The following RNF19A variants were observed in gnomAD, a reference collection of about 807,000 sequenced individuals.
RNF19A encodes the protein ring finger protein 19A, RBR E3 ubiquitin protein ligase.
In RNF19A, 32 loss-of-function variants were observed where a neutral mutation model predicts 75.7. The ratio of observed to expected loss-of-function variants is 0.42; its 90% CI spans 0.32 to 0.57. RNF19A has a LOEUF of 0.57. Ranked by LOEUF, RNF19A falls within the 20% of genes least tolerant of loss-of-function variation. RNF19A has a pLI of 0.10. For missense variants in RNF19A, 782 were observed against 1,036.3 expected (o/e 0.75, Z 3.37); for synonymous variants, 335 against 345.2 (o/e 0.97, Z 0.33).
At chr8:100,263,951 T>C (rs975590189) in intron 7 of RNF19A, 83 bp downstream of exon 7, 51 of 1,176,222 alleles carry the variant, frequency 4.3e-5, no homozygotes, top group Middle Eastern at 2.0e-4. Context: ...GCAATGGAAA[T>C]TCTGAGTTGC....
chr8:100,258,605 T>G lies in RNF19A; in HGVS notation c.2468A>C (p.His823Pro), dbSNP rs749241840. Residue 823 changes from histidine to proline, a missense_variant, in exon 10 of 10, where the codon CAC becomes CCC. Physicochemically the swap from His to Pro is moderately conservative, Grantham distance 77. Around this residue, in one of 7 missense-constraint regions of RNF19A, gnomAD observed 442 missense variants for 541.6 expected, o/e 0.82. Coordinates refer to ENST00000341084, the MANE Select transcript of RNF19A (RefSeq NM_183419.4). The surrounding 1 kb of genome is among the most constrained non-coding windows in gnomAD (Gnocchi z 4.3). The stretch of plus-strand genomic sequence containing the variant: ...TTTTAATTCCATTGTCTGATGTGAG[T>G]GGTTGTTATTTGTTTCTTTTAGTGC... ...GDALKETNNN[H>P]SHQTMELKVA... is the part of the protein sequence containing the mutation. 4 of 1,613,594 alleles carry G rather than the reference T, an allele frequency of 2.5e-6. No individual in the cohort carries two copies. The South Asian group carries it at 3.3e-5, about 13-fold the overall frequency.
intron 1 of RNF19A, among the ~76,000 whole-genome samples, chr8:100,291,062 C>T (rs1821269838): frequency 6.6e-6 from 1 of 151,962 alleles, no homozygotes; most frequent in South Asian, 2.1e-4. Context: ...CAAAAAACAT[C>T]CAGTATTGTA....
upstream of RNF19A, chr8:100,310,153 TCCCGCCCCCGGCCGC>T (rs1301595407): frequency 2.3e-5 from 23 of 984,140 alleles, no homozygotes; most frequent in South Asian, 2.4e-4. Flanking sequence ...CACTTCTTCC[TCCCGCCCCCGGCCGC>T]CCCGCCCCAG....
intron 2 of RNF19A, among the ~76,000 whole-genome samples, chr8:100,279,716 G>A (rs1163368299): frequency 1.3e-5 from 2 of 152,066 alleles, no homozygotes; most frequent in Non-Finnish European, 2.9e-5. Context: ...TAGTAGACAC[G>A]GGGTTTTGCC....
chr8:100,295,212 G>C (rs1821497701), intron 1 of RNF19A, among the ~76,000 whole-genome samples: 1 of 152,122 alleles, frequency 6.6e-6, no homozygotes, highest in Non-Finnish European at 1.5e-5. Flanking sequence ...GAAAAAAATT[G>C]ATTTTTATTT....
chr8:100,277,858 A>T (rs1164813660), intron 2 of RNF19A, among the ~76,000 whole-genome samples: 2 of 152,214 alleles, frequency 1.3e-5, no homozygotes, highest in African/African-American at 4.8e-5. Flanking sequence ...TTAAAACAAT[A>T]ACGTCAGTGA....
chr8:100,300,539 G>A (rs1196308482), intron 1 of RNF19A: 2 of 152,306 alleles, frequency 1.3e-5, no homozygotes, highest in East Asian at 3.9e-4. Flanking sequence ...TGTAGTCCTA[G>A]CTACTTGGAA....
At chr8:100,309,552 G>A (rs1822212084) in intron 1 of RNF19A, 3 of 982,432 alleles carry the variant, frequency 3.1e-6, no homozygotes, top group African/African-American at 3.5e-5. Flanking sequence ...GCCGCCGGCC[G>A]CACAGGCACC....
intron 1 of RNF19A, among the ~76,000 whole-genome samples, chr8:100,305,074 G>A (rs967386098): frequency 6.6e-6 from 1 of 152,200 alleles, no homozygotes; most frequent in East Asian, 1.9e-4. Flanking sequence ...TAGCTGGCAT[G>A]ACAGGTGCCT....
At chr8:100,316,721 C>G (rs1822382047) in intron 1 of RNF19A, among the ~76,000 whole-genome samples, 1 of 152,240 alleles carries the variant, frequency 6.6e-6, no homozygotes, top group Non-Finnish European at 1.5e-5. Flanking sequence ...TAGTGGATCC[C>G]GCACCAGGGC....
chr8:100,277,300 T>G (rs1188274610), intron 2 of RNF19A, among the ~76,000 whole-genome samples: 1 of 152,204 alleles, frequency 6.6e-6, no homozygotes, highest in African/African-American at 2.4e-5. Flanking sequence ...TTGGACTTGT[T>G]GATCCCTTAG....
Position 100,264,452 on chromosome 8 carries a change from A to C in RNF19A, c.1306+219T>G. 1.7e-6 allele frequency: 1 copy of C among 583,600 alleles called. No individual in the cohort carries two copies. Among genetic ancestry groups the C allele is most frequent in the Non-Finnish European group, 3.0e-6 (1 of 332,870 alleles). The allele number at this position is 583,600 out of a possible 1,614,324, so 36.2% of individuals were successfully genotyped here. On this transcript the variant is annotated intron_variant, in intron 6 of 9. Transcript: ENST00000341084. This position sits in a 1 kb window ranked among gnomAD's most constrained non-coding sequence, Gnocchi z 4.7. ...TTCTTTTGAAGTGCCAGGCCTCCGA[A>C]CTGTACTTGGGGTGGAGTGGGGAGG...
Position 100,264,563 on chromosome 8 carries a change from GCTCAATTTAAATTGTC to G in RNF19A, c.1306+92_1306+107del. Reference sequence around the variant, plus strand: ...TACTTTCAACCAAGACTTACTGCAGGCTCAATTTAAATTGTCCTCAAATTAAAAAACAATTAAAAAA... The same window carrying G: ...TACTTTCAACCAAGACTTACTGCAGGCTCAAATTAAAAAACAATTAAAAAA... On this transcript the variant is annotated intron_variant, in intron 6 of 9. Coordinates refer to ENST00000341084, the MANE Select transcript of RNF19A (RefSeq NM_183419.4). The surrounding 1 kb of genome is among the most constrained non-coding windows in gnomAD (Gnocchi z 4.7). 1.4e-6 allele frequency: 1 copy of G among 732,152 alleles called. No individual in the cohort carries two copies. 45.4% of individuals were successfully genotyped at this position (732,152 alleles called of 1,614,324 possible).
intron 1 of RNF19A, among the ~76,000 whole-genome samples, chr8:100,300,829 T>C (rs1421465838): frequency 6.6e-6 from 1 of 151,696 alleles, no homozygotes; most frequent in East Asian, 1.9e-4. Flanking sequence ...AAAAACAGAG[T>C]GAGTCTTTTA....
rs1819880395 is a variant in RNF19A at position 100,264,554 on chromosome 8, T to C, written c.1306+117A>G. On this transcript the variant is annotated intron_variant, in intron 6 of 9. Transcript: ENST00000341084. The surrounding 1 kb of genome is among the most constrained non-coding windows in gnomAD (Gnocchi z 4.7). ...AATCTGTAATACTTTCAACCAAGACTTACTGCAGGCTCAATTTAAATTGTC... is the reference window on the plus strand; with the variant it reads ...AATCTGTAATACTTTCAACCAAGACCTACTGCAGGCTCAATTTAAATTGTC... 1 of 702,054 alleles carries C rather than the reference T, an allele frequency of 1.4e-6. No individual in the cohort carries two copies. The allele number at this position is 702,054 out of a possible 1,614,324, so 43.5% of individuals were successfully genotyped here.
intron 1 of RNF19A, among the ~76,000 whole-genome samples, chr8:100,316,782 A>G (rs954264934): frequency 1.3e-5 from 2 of 152,202 alleles, no homozygotes; most frequent in Non-Finnish European, 2.9e-5. Flanking sequence ...CGCACTCCTC[A>G]GCCCTTGGGT....
Position 100,275,274 on chromosome 8 carries a change from GCAAA to G in RNF19A, c.675-117_675-114del. On this transcript the variant is annotated intron_variant, in intron 2 of 9. Coordinates refer to ENST00000341084, the MANE Select transcript of RNF19A (RefSeq NM_183419.4). The surrounding 1 kb of genome is among the most constrained non-coding windows in gnomAD (Gnocchi z 4.3). ...AAAAACATTTTCTATTTATACATTA[GCAAA>G]CAGTCATAAGCACAATCTCACCAAT... 1 of 835,790 alleles carries G rather than the reference GCAAA, an allele frequency of 1.2e-6. No individual in the cohort carries two copies. 51.8% of individuals were successfully genotyped at this position (835,790 alleles called of 1,614,324 possible).
At chr8:100,268,311 ATAAT>A (rs1820085023) in intron 5 of RNF19A, among the ~76,000 whole-genome samples, 1 of 152,138 alleles carries the variant, frequency 6.6e-6, no homozygotes, top group Non-Finnish European at 1.5e-5. Flanking sequence ...CAAGATTGTT[ATAAT>A]TTGCAAAATA....
chr8:100,263,277 C>T (rs1275775475), intron 7 of RNF19A, among the ~76,000 whole-genome samples: 1 of 151,934 alleles, frequency 6.6e-6, no homozygotes. Flanking sequence ...AAGTGGTTTC[C>T]CATAAGAAAA....
Sources: allele counts gnomAD v4.1 joint callset (sites outside exome capture counted in the v4.1 genomes callset), GRCh38; gene constraint gnomAD v4.1.1; regional missense constraint gnomAD v4.1.1; non-coding constraint Gnocchi (gnomAD v3.1); transcripts MANE v1.5; gene names NCBI Gene and HGNC (gene_info 2026-07-23, HGNC 2026-07-21).